The following CACNA1C variants were observed in gnomAD, a reference collection of about 807,000 sequenced individuals.
CACNA1C encodes calcium voltage-gated channel subunit alpha1 C.
Under a neutral mutation model 229.0 loss-of-function variants are expected in CACNA1C, and 30 were observed. The observed-to-expected ratio is 0.13, with a 90% confidence interval of 0.10 to 0.18. The LOEUF is 0.18. CACNA1C is among the 10% of genes least tolerant of loss of function. CACNA1C has a pLI of 1.00. For synonymous variants in CACNA1C, 1,114 were observed against 1,132.5 expected, an observed-to-expected ratio of 0.98 and a Z score of 0.33; for missense variants, 1,658 against 2,845.0, an observed-to-expected ratio of 0.58 and a Z score of 9.49.
intron 3 of CACNA1C, among the ~76,000 whole-genome samples, chr12:2,387,729 A>C (rs2098417636): frequency 6.6e-6 from 1 of 152,180 alleles, no homozygotes; most frequent in African/African-American, 2.4e-5. Context: ...CAACTGGAAG[A>C]TCCTGTGAAA....
intron 7 of CACNA1C, among the ~76,000 whole-genome samples, chr12:2,499,458 C>T (rs144443375): frequency 7.2e-4 from 110 of 152,256 alleles, no homozygotes; most frequent in African/African-American, 2.5e-3. Context: ...GGGGAGTTGG[C>T]CTCGAGGAGA....
chr12:2,544,403 A>G (rs1249547328), intron 9 of CACNA1C, among the ~76,000 whole-genome samples: 1 of 152,224 alleles, frequency 6.6e-6, no homozygotes, highest in African/African-American at 2.4e-5. Context: ...CTTTCCTGGA[A>G]GTGATGGTGC....
rs1348027906 is a variant in CACNA1C at position 2,571,399 on chromosome 12, C to G, written c.1895+3605C>G. Among the ~76,000 whole-genome samples, 3 of 152,264 alleles carry G rather than the reference C, an allele frequency of 2.0e-5. No homozygotes were observed. In the East Asian group the frequency reaches 5.8e-4, roughly 29 times the overall value. ...TTGCTCCTCCTGGGGTCTGGTAAAA[C>G]TATTTTTAACTTGCAGTTTTCAATG... On this transcript the variant is annotated intron_variant, in intron 13 of 46. Transcript: ENST00000399655.
At chr12:2,135,472 C>T (rs1316381490) in intron 3 of CACNA1C, among the ~76,000 whole-genome samples, 1 of 136,588 alleles carries the variant, frequency 7.3e-6, no homozygotes, top group Non-Finnish European at 1.5e-5. Context: ...TGGTGATGTA[C>T]AGATGGGTTT....
Position 2,612,032 on chromosome 12 carries a change from C to A in CACNA1C, c.3828+19C>A. The A allele has an allele frequency of 2.1e-6, 3 of 1,409,038 alleles. No homozygotes were observed. The highest frequency in any genetic ancestry group is 3.0e-6 in the Non-Finnish European group (3 of 993,474). 87.3% of individuals were successfully genotyped at this position (1,409,038 alleles called of 1,614,324 possible). On this transcript the variant is annotated intron_variant, in intron 29 of 46. Coordinates refer to ENST00000399655, the MANE Select transcript of CACNA1C (RefSeq NM_000719.7). ...ACCCAAGGTAGGCCTCTGAGAAAGA[C>A]CTTTGATTCCCAGGCATCAGGGGTG... is the stretch of plus-strand genomic sequence containing the variant.
intron 3 of CACNA1C, among the ~76,000 whole-genome samples, chr12:2,128,994 T>C (rs1377652257): frequency 6.6e-6 from 1 of 152,238 alleles, no homozygotes; most frequent in African/African-American, 2.4e-5. Context: ...TTAGCCATTC[T>C]GCTACAGCTG....
At chr12:2,233,693 G>A (rs900044018) in intron 3 of CACNA1C, among the ~76,000 whole-genome samples, 2 of 152,202 alleles carry the variant, frequency 1.3e-5, no homozygotes, top group South Asian at 2.1e-4. Flanking sequence ...GATGCAAGGA[G>A]GCTGAAGATA....
In CACNA1C at chr12:2,585,640, G is replaced by C; in HGVS notation, c.2460+144G>C. The stretch of plus-strand genomic sequence containing the variant: ...AAAGCCAGTGGGGATGAACAGGAGA[G>C]CTGGGAGGGGGAAGATAAGGCAGAT... On this transcript the variant is annotated intron_variant, in intron 17 of 46. Coordinates refer to ENST00000399655, the MANE Select transcript of CACNA1C (RefSeq NM_000719.7). The surrounding 1 kb of genome is among the most constrained non-coding windows in gnomAD (Gnocchi z 4.1). 9.3e-7 allele frequency: 1 copy of C among 1,076,660 alleles called. No individual in the cohort carries two copies. Among genetic ancestry groups the C allele is most frequent in the South Asian group, 1.6e-5 (1 of 61,294 alleles). 66.7% of individuals were successfully genotyped at this position (1,076,660 alleles called of 1,614,324 possible).
chr12:2,068,494 TTA>T (rs2060181154), intron 1 of CACNA1C, among the ~76,000 whole-genome samples: 2 of 152,364 alleles, frequency 1.3e-5, no homozygotes, highest in South Asian at 4.1e-4. Flanking sequence ...GCATCCATTC[TTA>T]TATGTTGGCA....
At chr12:1,972,963 A>G (rs2032997785) in intron 1 of CACNA1C, among the ~76,000 whole-genome samples, 1 of 152,200 alleles carries the variant, frequency 6.6e-6, no homozygotes, top group South Asian at 2.1e-4. Flanking sequence ...GCATCCATAG[A>G]TGGGAAACAC....
chr12:2,387,359 C>T (rs1394949170), intron 3 of CACNA1C, among the ~76,000 whole-genome samples: 2 of 152,096 alleles, frequency 1.3e-5, no homozygotes, highest in Admixed American at 6.5e-5. Context: ...GTGGCAGGCG[C>T]CTGTAATCCC....
intron 15 of CACNA1C, 30 bp from the exon 16 acceptor site, chr12:2,584,473 G>T (rs2061693935): frequency 1.9e-6 from 3 of 1,554,276 alleles, no homozygotes; most frequent in Middle Eastern, 1.7e-4. Flanking sequence ...CAAACCAAGG[G>T]TCATTTTCTT....
At position 2,651,415 on chromosome 12, in the gene CACNA1C, G is replaced by A; in HGVS notation, c.3946-225G>A. On this transcript the variant is annotated intron_variant, in intron 31 of 46. Coordinates refer to ENST00000399655, the MANE Select transcript of CACNA1C (RefSeq NM_000719.7). The surrounding 1 kb of genome is among the most constrained non-coding windows in gnomAD (Gnocchi z 5.4). ...GGGAGAATAAAAACACAGGACCACAGCCCAGCGGCCTGGGCACAGTCTAGC... is the reference window on the plus strand; with the variant it reads ...GGGAGAATAAAAACACAGGACCACAACCCAGCGGCCTGGGCACAGTCTAGC... 1.7e-6 allele frequency: 1 copy of A among 594,162 alleles called. No individual in the cohort carries two copies. Among genetic ancestry groups the A allele is most frequent in the East Asian group, 2.8e-5 (1 of 35,668 alleles). 36.8% of individuals were successfully genotyped at this position (594,162 alleles called of 1,614,324 possible). A position where few individuals can be genotyped will look rare whatever the true frequency, so the allele number is the denominator to read the frequency against.
At chr12:2,065,987 A>G (rs1414036000) in intron 1 of CACNA1C, among the ~76,000 whole-genome samples, 1 of 152,094 alleles carries the variant, frequency 6.6e-6, no homozygotes, top group Non-Finnish European at 1.5e-5. Context: ...TTGGTAGGCA[A>G]TGGAGGGCCG....
intron 39 of CACNA1C, among the ~76,000 whole-genome samples, chr12:2,675,583 C>T (rs2096765655): frequency 6.6e-6 from 1 of 152,182 alleles, no homozygotes; most frequent in Non-Finnish European, 1.5e-5. Context: ...TTCCAAAATG[C>T]GAACCTCTCT....
chr12:2,135,796 A>C lies in CACNA1C; in HGVS notation c.477+15366A>C, dbSNP rs546648643. Among the ~76,000 whole-genome samples, 52 of 145,268 alleles carry C rather than the reference A, an allele frequency of 3.6e-4. 1 individual carries two copies. The highest frequency in any genetic ancestry group is 3.5e-3 in the Middle Eastern group (1 of 286). ...CCCTGCCCCCAGAGGTGGAGCCTAC[A>C]GAGGCAGGCAGGCCTCCTTGAGCTG... On this transcript the variant is annotated intron_variant, in intron 3 of 46. Coordinates refer to ENST00000399655, the MANE Select transcript of CACNA1C (RefSeq NM_000719.7).
chr12:2,539,114 T>G (rs1568303796), intron 9 of CACNA1C, among the ~76,000 whole-genome samples: 1 of 152,240 alleles, frequency 6.6e-6, no homozygotes, highest in East Asian at 1.9e-4. Context: ...CTTTTGTCAG[T>G]GGGGATAATA....
At position 2,654,185 on chromosome 12, in the gene CACNA1C, T is replaced by C. The variant is rs2095284282; in HGVS notation, c.4140+285T>C. ...TGCTCTTGGTAGAGGAAAGACACTC[T>C]CCAGTTATGCAAGGGGCCTCGGGAC... On this transcript the variant is annotated intron_variant, in intron 33 of 46. Coordinates refer to ENST00000399655, the MANE Select transcript of CACNA1C (RefSeq NM_000719.7). This position sits in a 1 kb window ranked among gnomAD's most constrained non-coding sequence, Gnocchi z 4.4. Among the ~76,000 whole-genome samples, 2 of 152,082 alleles carry C rather than the reference T, an allele frequency of 1.3e-5. No individual in the cohort carries two copies. The highest frequency in any genetic ancestry group is 2.1e-4 in the South Asian group (1 of 4,816).
chr12:2,203,577 A>G (rs1208187738), intron 3 of CACNA1C, among the ~76,000 whole-genome samples: 1 of 152,212 alleles, frequency 6.6e-6, no homozygotes, highest in Non-Finnish European at 1.5e-5. Context: ...AGGTGGCTGC[A>G]GTCCTATGGC....
Sources: gnomAD v4.1 joint callset for allele counts (sites outside exome capture counted in the v4.1 genomes callset) on GRCh38, gnomAD v4.1.1 for gene constraint, Gnocchi (gnomAD v3.1) non-coding constraint, MANE v1.5 for transcripts, NCBI Gene and HGNC (gene_info 2026-07-23, HGNC 2026-07-21) for gene names.